Variants in SHANK2 observed in about 807,000 individuals in gnomAD.
The protein encoded by SHANK2 is SH3 and multiple ankyrin repeat domains protein 2.
In SHANK2, 43 loss-of-function variants were observed where a neutral mutation model predicts 133.7. The ratio of observed to expected loss-of-function variants is 0.32; its 90% CI spans 0.25 to 0.41. The LOEUF is 0.41. Ranked by LOEUF, SHANK2 falls within the 10% of genes least tolerant of loss-of-function variation. The pLI is 1.00. For synonymous variants in SHANK2, 1,017 were observed against 952.8 expected, an observed-to-expected ratio of 1.07 and a Z score of -1.24; for missense variants, 1,994 against 2,235.8, an observed-to-expected ratio of 0.89 and a Z score of 2.18.
intron 15 of SHANK2, 103 bp from the exon 16 acceptor site, chr11:70,661,781 C>A: frequency 1.2e-6 from 2 of 1,613,760 alleles, no homozygotes; most frequent in East Asian, 2.2e-5. Flanking sequence ...CAATTAATCA[C>A]CCCAGCTCGC....
chr11:70,593,257 G>A (rs1046281112), intron 17 of SHANK2, among the ~76,000 whole-genome samples: 2 of 152,196 alleles, frequency 1.3e-5, no homozygotes, highest in African/African-American at 2.4e-5. Flanking sequence ...AACTCTTGCT[G>A]CATTGAGAAA....
intron 14 of SHANK2, among the ~76,000 whole-genome samples, chr11:70,729,756 A>T (rs1308796336): frequency 6.7e-6 from 1 of 150,120 alleles, no homozygotes; most frequent in Admixed American, 6.6e-5. Context: ...GATGGTCTCG[A>T]TCTTCTGACC....
intron 14 of SHANK2, among the ~76,000 whole-genome samples, chr11:70,785,582 C>G (rs12794327): frequency 4.6e-5 from 7 of 152,236 alleles, no homozygotes; most frequent in Admixed American, 1.3e-4. Context: ...ATGCCACTAC[C>G]TCTGTCTCTC....
At chr11:70,879,696 C>G (rs782053523) in intron 11 of SHANK2, among the ~76,000 whole-genome samples, 5 of 152,350 alleles carry the variant, frequency 3.3e-5, no homozygotes, top group African/African-American at 1.2e-4. Context: ...ATCCCTTGCC[C>G]CAAAGGCCAT....
intron 17 of SHANK2, among the ~76,000 whole-genome samples, chr11:70,565,369 C>G (rs1400198794): frequency 1.3e-5 from 2 of 152,196 alleles, no homozygotes; most frequent in African/African-American, 4.8e-5. Flanking sequence ...CCTCAGCCTC[C>G]CGAATAGCTG....
chr11:71,249,318 G>A (rs555500982), intron 1 of SHANK2, among the ~76,000 whole-genome samples: 2 of 152,194 alleles, frequency 1.3e-5, no homozygotes, highest in Admixed American at 1.3e-4. Flanking sequence ...CTATAGAAAC[G>A]GACAGGGTCA....
rs1555070545 is a variant in SHANK2, at chr11:70,873,170, G to A, written c.1174+23331C>T. On this transcript the variant is annotated intron_variant, in intron 11 of 25. Transcript: ENST00000601538. ...ACAAAGAGCCGTTGCCACAGCAACC[G>A]TGGCATCCCAGCACTCAGAGGCTAT... 1.3e-5 allele frequency: 6 copies of A among 466,202 alleles called. No homozygotes were observed. In the East Asian group the frequency reaches 2.8e-4, roughly 22 times the overall value. 28.9% of individuals were successfully genotyped at this position (466,202 alleles called of 1,614,324 possible). A position where few individuals can be genotyped will look rare whatever the true frequency, so the allele number is the denominator to read the frequency against.
At chr11:70,714,597 C>T (rs1555026855) in intron 14 of SHANK2, among the ~76,000 whole-genome samples, 1 of 152,158 alleles carries the variant, frequency 6.6e-6, no homozygotes, top group African/African-American at 2.4e-5. Flanking sequence ...CACAGAGACT[C>T]CACGAGAGGA....
chr11:70,715,731 G>A (rs925454393), intron 14 of SHANK2, among the ~76,000 whole-genome samples: 4 of 152,228 alleles, frequency 2.6e-5, no homozygotes, highest in Admixed American at 6.5e-5. Context: ...TGATGAGCTC[G>A]GCTGGGAGTG....
In SHANK2 at chr11:70,792,007, T is replaced by C. The variant is rs566528858; in HGVS notation, c.1777+6436A>G. Among the ~76,000 whole-genome samples, 41 of 152,290 alleles carry C rather than the reference T, an allele frequency of 2.7e-4. 1 individual carries two copies. The South Asian group carries it at 8.3e-3, about 31-fold the overall frequency. ...CTCAGGTGAGTAAGCCCACTATATCTTGAAGGCATAACTACCAAACTATTC... is the reference window on the plus strand; with the variant it reads ...CTCAGGTGAGTAAGCCCACTATATCCTGAAGGCATAACTACCAAACTATTC... On this transcript the variant is annotated intron_variant, in intron 14 of 25. Transcript: ENST00000601538.
chr11:70,814,692 G>A (rs757436041), intron 12 of SHANK2, among the ~76,000 whole-genome samples: 7 of 152,326 alleles, frequency 4.6e-5, no homozygotes, highest in Non-Finnish European at 8.8e-5. Context: ...GGTGGGTGCC[G>A]CTCTTTCATG....
chr11:70,947,651 C>A (rs1950767478), intron 10 of SHANK2, among the ~76,000 whole-genome samples: 1 of 152,154 alleles, frequency 6.6e-6, no homozygotes, highest in East Asian at 1.9e-4. Flanking sequence ...TAGGTGTGAG[C>A]CACTGCGCCT....
At chr11:71,151,311 A>G (rs1388203213) in intron 2 of SHANK2, among the ~76,000 whole-genome samples, 4 of 151,694 alleles carry the variant, frequency 2.6e-5, no homozygotes, top group African/African-American at 9.7e-5. Flanking sequence ...GCTGATACCC[A>G]CTGTTGACTC....
intron 1 of SHANK2, among the ~76,000 whole-genome samples, chr11:71,236,331 G>A (rs1191939553): frequency 1.3e-5 from 2 of 152,232 alleles, no homozygotes; most frequent in Admixed American, 6.5e-5. Flanking sequence ...ACATGAGGGC[G>A]GGCGTGGTGG....
intron 19 of SHANK2, 46 bp downstream of exon 19, chr11:70,502,160 G>A (rs1555158761): frequency 6.5e-7 from 1 of 1,538,502 alleles, no homozygotes; most frequent in Non-Finnish European, 8.8e-7. Context: ...GCAGCTCAGG[G>A]ACCGGCATGG....
intron 17 of SHANK2, among the ~76,000 whole-genome samples, chr11:70,628,854 A>G (rs2060939906): frequency 6.6e-6 from 1 of 152,172 alleles, no homozygotes; most frequent in Non-Finnish European, 1.5e-5. Context: ...GGATCACAGT[A>G]CTGCTGTGGG....
At chr11:71,095,354 C>A (rs544396811) in intron 6 of SHANK2, among the ~76,000 whole-genome samples, 1 of 152,222 alleles carries the variant, frequency 6.6e-6, no homozygotes, top group South Asian at 2.1e-4. Context: ...TGGCTAAGGA[C>A]GTCAGTGTCT....
At chr11:70,934,005 G>T (rs1317551206) in intron 10 of SHANK2, among the ~76,000 whole-genome samples, 2 of 151,730 alleles carry the variant, frequency 1.3e-5, no homozygotes, top group African/African-American at 2.4e-5. Context: ...GTCAAAGTGG[G>T]AGCATAACTT....
chr11:70,714,246 GAGA>G (rs1945861002), intron 14 of SHANK2, among the ~76,000 whole-genome samples: 1 of 152,220 alleles, frequency 6.6e-6, no homozygotes, highest in South Asian at 2.1e-4. Flanking sequence ...GGACACGGAG[GAGA>G]AGGAGAGAAA....
Sources: allele counts gnomAD v4.1 joint callset (sites outside exome capture counted in the v4.1 genomes callset), GRCh38; gene constraint gnomAD v4.1.1; transcripts MANE v1.5; gene names NCBI Gene and HGNC (gene_info 2026-07-23, HGNC 2026-07-21).